STXBP5L: variants seen among roughly 807,000 people sequenced by gnomAD.
The protein encoded by STXBP5L is syntaxin-binding protein 5-like.
A neutral mutation model predicts 144.5 loss-of-function variants in STXBP5L; 65 were observed. The observed-to-expected ratio is 0.45, with a 90% CI of 0.37 to 0.55. STXBP5L has a LOEUF of 0.55. Ranked by LOEUF, STXBP5L falls within the 20% of genes least tolerant of loss-of-function variation. The pLI is 0.00. For missense variants in STXBP5L, 1,298 were observed against 1,405.5 expected (o/e 0.92, Z 1.22); for synonymous variants, 505 against 469.6 (o/e 1.08, Z -0.97).
At chr3:121,090,538 A>G (rs1391139148) in intron 5 of STXBP5L, among the ~76,000 whole-genome samples, 2 of 152,184 alleles carry the variant, frequency 1.3e-5, no homozygotes, top group Admixed American at 1.3e-4. Context: ...CTCTGCCAGA[A>G]ATCATGGCTT....
At chr3:121,084,374 A>G (rs2042390224) in intron 5 of STXBP5L, among the ~76,000 whole-genome samples, 1 of 151,984 alleles carries the variant, frequency 6.6e-6, no homozygotes, top group Non-Finnish European at 1.5e-5. Context: ...CCTACCCTCA[A>G]CAGGCCCCAG....
At chr3:121,060,292 T>C (rs967329970) in intron 5 of STXBP5L, among the ~76,000 whole-genome samples, 1 of 152,220 alleles carries the variant, frequency 6.6e-6, no homozygotes, top group Admixed American at 6.5e-5. Flanking sequence ...TTGCATATGT[T>C]GAACCGGCCT....
intron 3 of STXBP5L, among the ~76,000 whole-genome samples, chr3:120,988,549 T>G (rs541087085): frequency 2.0e-5 from 3 of 152,226 alleles, no homozygotes; most frequent in Non-Finnish European, 4.4e-5. Context: ...GGGAATACTC[T>G]GTGAACTCTG....
chr3:121,213,705 T>A (rs1022901690), intron 10 of STXBP5L, among the ~76,000 whole-genome samples: 2 of 152,184 alleles, frequency 1.3e-5, no homozygotes, highest in Non-Finnish European at 2.9e-5. Context: ...CAGGTTTTGG[T>A]ATCAGGATGA....
intron 3 of STXBP5L, among the ~76,000 whole-genome samples, chr3:121,004,239 G>T (rs1944057462): frequency 2.0e-5 from 3 of 151,906 alleles, no homozygotes; most frequent in African/African-American, 7.2e-5. Flanking sequence ...GCAGTGGTTT[G>T]TAGCTCTCCT....
intron 20 of STXBP5L, among the ~76,000 whole-genome samples, chr3:121,319,611 G>A (rs1482274165): frequency 2.0e-5 from 3 of 151,914 alleles, no homozygotes; most frequent in African/African-American, 7.3e-5. Flanking sequence ...CCCAATTTAG[G>A]TATTTATTGC....
At chr3:121,113,923 C>T (rs539252178) in intron 5 of STXBP5L, among the ~76,000 whole-genome samples, 2 of 152,150 alleles carry the variant, frequency 1.3e-5, no homozygotes, top group South Asian at 2.1e-4. Flanking sequence ...CCACCTGCCT[C>T]GGCCTCTCAA....
In STXBP5L at chr3:121,043,016, A is replaced by G. The variant is rs185506727; in HGVS notation, c.369+1235A>G. Among the ~76,000 whole-genome samples, 14 of 151,760 alleles carry G rather than the reference A, an allele frequency of 9.2e-5. No homozygotes were observed. The South Asian group carries it at 1.7e-3, about 18-fold the overall frequency. On this transcript the variant is annotated intron_variant, in intron 4 of 26. Coordinates refer to ENST00000471454, the MANE Select transcript of STXBP5L (RefSeq NM_001308330.2). ...ATACTTACAGGCATAATTTGTTTCC[A>G]TGTGATTTGTACTGGGTCTGATCCT...
intron 19 of STXBP5L, among the ~76,000 whole-genome samples, chr3:121,294,776 G>T (rs1032833970): frequency 3.3e-5 from 5 of 151,964 alleles, no homozygotes; most frequent in Admixed American, 3.3e-4. Flanking sequence ...CTTCACAGAA[G>T]AAAAAACAAA....
intron 20 of STXBP5L, among the ~76,000 whole-genome samples, chr3:121,346,651 G>T (rs1413017537): frequency 2.6e-5 from 4 of 152,252 alleles, no homozygotes; most frequent in Non-Finnish European, 4.4e-5. Flanking sequence ...ATTCTAACTG[G>T]TGTGAGATGG....
chr3:121,324,374 A>G, intron 20 of STXBP5L: 1 of 546,620 alleles, frequency 1.8e-6, no homozygotes, highest in East Asian at 3.0e-5. Flanking sequence ...AGATAAGGAT[A>G]CAAAATGCAG....
At chr3:120,968,248 T>C (rs1939830478) in intron 3 of STXBP5L, among the ~76,000 whole-genome samples, 1 of 152,164 alleles carries the variant, frequency 6.6e-6, no homozygotes, top group Admixed American at 6.5e-5. Flanking sequence ...TCTCTTTAGG[T>C]CTGTTAATAT....
intron 3 of STXBP5L, among the ~76,000 whole-genome samples, chr3:120,990,495 G>A (rs979606339): frequency 2.1e-4 from 32 of 152,120 alleles, no homozygotes; most frequent in Non-Finnish European, 4.0e-4. Flanking sequence ...AGCCCACATC[G>A]CCAAGTCAAT....
chr3:121,404,014 G>T (rs554592180), intron 22 of STXBP5L, among the ~76,000 whole-genome samples: 20 of 152,084 alleles, frequency 1.3e-4, no homozygotes, highest in African/African-American at 4.6e-4. Flanking sequence ...ATGTCTGATG[G>T]ATCATACATT....
At chr3:121,273,291 G>A (rs1161987461) in intron 18 of STXBP5L, among the ~76,000 whole-genome samples, 2 of 151,524 alleles carry the variant, frequency 1.3e-5, no homozygotes, top group Admixed American at 1.3e-4. Flanking sequence ...CGGTATTGTT[G>A]GATGGCAGTT....
At chr3:121,410,180 T>TG (rs1036381277) in intron 23 of STXBP5L, among the ~76,000 whole-genome samples, 7 of 151,650 alleles carry the variant, frequency 4.6e-5, no homozygotes, top group African/African-American at 1.7e-4. Context: ...GCCTCAGATT[T>TG]GGGGGGGAAA....
At chr3:121,205,666 G>A (rs191019799) in intron 9 of STXBP5L, among the ~76,000 whole-genome samples, 1 of 152,140 alleles carries the variant, frequency 6.6e-6, no homozygotes, top group African/African-American at 2.4e-5. Flanking sequence ...TATGTGTGAA[G>A]GATGTAAAGT....
intron 7 of STXBP5L, among the ~76,000 whole-genome samples, chr3:121,124,579 T>A (rs1368729348): frequency 6.6e-6 from 1 of 152,074 alleles, no homozygotes; most frequent in Non-Finnish European, 1.5e-5. Context: ...TTAAAGAAGT[T>A]TCATAACTGA....
At chr3:121,314,807 A>C (rs1444826793) in intron 19 of STXBP5L, among the ~76,000 whole-genome samples, 10 of 152,326 alleles carry the variant, frequency 6.6e-5, no homozygotes, top group African/African-American at 2.4e-4. Flanking sequence ...AAACAACCCC[A>C]TCAAAAAATG....
Sources: gnomAD v4.1 joint callset for allele counts (sites outside exome capture counted in the v4.1 genomes callset) on GRCh38, gnomAD v4.1.1 for gene constraint, MANE v1.5 for transcripts, NCBI Gene and HGNC (gene_info 2026-07-23, HGNC 2026-07-21) for gene names.